Variants in ANKS1B observed in about 807,000 individuals in gnomAD.
ANKS1B encodes ankyrin repeat and sterile alpha motif domain containing 1B.
ANKS1B carries 36 observed loss-of-function variants against 148.3 expected under a neutral mutation model. That is an observed-to-expected ratio of 0.24 (90% confidence interval 0.19 to 0.32). The LOEUF (loss-of-function observed/expected upper bound fraction) is 0.32. Among genes scored for constraint, ANKS1B ranks in the 10% least tolerant of loss-of-function variants. The probability of loss-of-function intolerance (pLI) is 1.00; values close to 1 mark genes in which losing one functional copy is unlikely to be tolerated. For missense variants in ANKS1B, 1,157 were observed against 1,542.6 expected (o/e 0.75, Z 4.19); for synonymous variants, 542 against 560.8 (o/e 0.97, Z 0.47).
rs535589280 is a variant in ANKS1B, at chr12:99,921,882, C to T, written c.134+62222G>A. ...AAAATATAAACTTTTTTTTTTACTTCGAAAGTTTTTAATCTCTTAGACAAG... is the reference window on the plus strand; with the variant it reads ...AAAATATAAACTTTTTTTTTTACTTTGAAAGTTTTTAATCTCTTAGACAAG... On this transcript the variant is annotated intron_variant, in intron 1 of 26. Transcript: ENST00000683438. 3.9e-4 allele frequency among the ~76,000 whole-genome samples: 59 copies of T among 151,430 alleles called. 2 individuals carry two copies. In the South Asian group the frequency reaches 8.7e-3, roughly 22 times the overall value.
At chr12:99,554,490 T>C (rs2097256341) in intron 9 of ANKS1B, among the ~76,000 whole-genome samples, 1 of 152,286 alleles carries the variant, frequency 6.6e-6, no homozygotes, top group South Asian at 2.1e-4. Context: ...TAAATCATCC[T>C]GAATAAGAAG....
At chr12:99,643,386 A>G (rs552733667) in intron 9 of ANKS1B, among the ~76,000 whole-genome samples, 1 of 152,336 alleles carries the variant, frequency 6.6e-6, no homozygotes, top group African/African-American at 2.4e-5. Flanking sequence ...CGAAACAATT[A>G]TAGATATCCC....
chr12:99,632,768 T>TATATATATATA (rs1282777183), intron 9 of ANKS1B, among the ~76,000 whole-genome samples: 15 of 100,420 alleles, frequency 1.5e-4, no homozygotes, highest in African/African-American at 2.4e-4. Flanking sequence ...TATATATATA[T>TATATATATATA]TTTAATTATA....
At chr12:99,307,876 C>T (rs2082571808) in intron 12 of ANKS1B, among the ~76,000 whole-genome samples, 1 of 152,050 alleles carries the variant, frequency 6.6e-6, no homozygotes, top group Non-Finnish European at 1.5e-5. Flanking sequence ...CTGGAGGTCA[C>T]ACAGCCAATT....
chr12:99,560,387 T>A (rs921955016), intron 9 of ANKS1B, among the ~76,000 whole-genome samples: 2 of 144,422 alleles, frequency 1.4e-5, no homozygotes, highest in African/African-American at 5.0e-5. Context: ...TTTCTATGAT[T>A]TTTTTTAAGA....
chr12:99,559,279 C>T (rs564542203), intron 9 of ANKS1B, among the ~76,000 whole-genome samples: 2 of 152,260 alleles, frequency 1.3e-5, no homozygotes, highest in Admixed American at 1.3e-4. Context: ...TTCATTGAGA[C>T]TTCTATCAAG....
At chr12:99,682,401 T>C (rs545778865) in intron 8 of ANKS1B, among the ~76,000 whole-genome samples, 49 of 152,176 alleles carry the variant, frequency 3.2e-4, no homozygotes, top group South Asian at 6.2e-4. Flanking sequence ...AAAACTGAAA[T>C]TATATCAAGT....
intron 9 of ANKS1B, among the ~76,000 whole-genome samples, chr12:99,568,521 CCTTT>C (rs2097420685): frequency 6.6e-6 from 1 of 152,172 alleles, no homozygotes; most frequent in Non-Finnish European, 1.5e-5. Flanking sequence ...CTTCCAAATA[CCTTT>C]CTAATATTCA....
At chr12:99,134,187 T>C (rs1453128305) in intron 15 of ANKS1B, among the ~76,000 whole-genome samples, 4 of 152,204 alleles carry the variant, frequency 2.6e-5, no homozygotes, top group Non-Finnish European at 1.5e-5. Context: ...TGTACTTCTA[T>C]TTCAAGATGT....
intron 1 of ANKS1B, among the ~76,000 whole-genome samples, chr12:99,928,394 T>A (rs1252842395): frequency 2.7e-5 from 4 of 150,642 alleles, no homozygotes; most frequent in Non-Finnish European, 4.4e-5. Context: ...TTCTCCTGCC[T>A]CAGCCTCCCG....
intron 9 of ANKS1B, among the ~76,000 whole-genome samples, chr12:99,642,351 T>A (rs935700508): frequency 8.3e-6 from 1 of 121,016 alleles, no homozygotes. Flanking sequence ...CTAATTTCTG[T>A]AGCTATTGTA....
At chr12:99,571,094 A>G (rs2097450429) in intron 9 of ANKS1B, among the ~76,000 whole-genome samples, 1 of 152,140 alleles carries the variant, frequency 6.6e-6, no homozygotes, top group South Asian at 2.1e-4. Flanking sequence ...TGTTCATTAT[A>G]CAGACTTTTA....
chr12:99,945,184 C>A lies in ANKS1B; in HGVS notation c.134+38920G>T, dbSNP rs552088458. The stretch of plus-strand genomic sequence containing the variant: ...ATGTGAAGGTGATGTGCTATGGGGA[C>A]TGGAGGGGAAACATTCCAGGTAAGG... On this transcript the variant is annotated intron_variant, in intron 1 of 26. Transcript: ENST00000683438. Among the ~76,000 whole-genome samples the A allele has an allele frequency of 1.2e-4, 19 of 152,070 alleles. No individual in the cohort carries two copies. The South Asian group carries it at 3.9e-3, about 32-fold the overall frequency.
intron 17 of ANKS1B, among the ~76,000 whole-genome samples, chr12:99,019,425 T>C (rs2099944457): frequency 6.6e-6 from 1 of 152,194 alleles, no homozygotes; most frequent in Non-Finnish European, 1.5e-5. Context: ...GCCAAGTCAT[T>C]ATAGCTATTG....
At chr12:98,840,902 G>C (rs921432104) in intron 17 of ANKS1B, among the ~76,000 whole-genome samples, 1 of 152,120 alleles carries the variant, frequency 6.6e-6, no homozygotes, top group Admixed American at 6.5e-5. Context: ...GTTATTGAAG[G>C]AAAAATTTGT....
At chr12:99,519,080 A>G (rs2096850353) in intron 9 of ANKS1B, among the ~76,000 whole-genome samples, 1 of 152,062 alleles carries the variant, frequency 6.6e-6, no homozygotes, top group Non-Finnish European at 1.5e-5. Flanking sequence ...TTGGCCAGAG[A>G]AAATGCTTAA....
chr12:99,723,787 G>A (rs2058342908), intron 8 of ANKS1B, among the ~76,000 whole-genome samples: 1 of 152,132 alleles, frequency 6.6e-6, no homozygotes, highest in Non-Finnish European at 1.5e-5. Context: ...CCAGAGGAAG[G>A]AGGAAGCACC....
intron 1 of ANKS1B, among the ~76,000 whole-genome samples, chr12:99,979,476 G>A (rs2153856515): frequency 6.6e-6 from 1 of 152,124 alleles, no homozygotes; most frequent in South Asian, 2.1e-4. Flanking sequence ...TCCCTATTGA[G>A]AACCATTTTC....
intron 14 of ANKS1B, among the ~76,000 whole-genome samples, chr12:99,214,121 C>CAA (rs35822288): frequency 8.3e-5 from 12 of 144,760 alleles, no homozygotes; most frequent in South Asian, 4.3e-4. Context: ...GCATAAGATT[C>CAA]AAAAAAAAAA....
Sources: allele counts gnomAD v4.1 joint callset (sites outside exome capture counted in the v4.1 genomes callset), GRCh38; gene constraint gnomAD v4.1.1; transcripts MANE v1.5; gene names NCBI Gene and HGNC (gene_info 2026-07-23, HGNC 2026-07-21).